Variants in N4BP3 observed in about 807,000 individuals in gnomAD.
The protein encoded by N4BP3 is NEDD4 binding protein 3.
Under a neutral mutation model 43.8 loss-of-function variants are expected in N4BP3, and 33 were observed. The ratio of observed to expected loss-of-function variants is 0.75; its 90% CI spans 0.57 to 1.01. N4BP3 has a LOEUF of 1.01. Among genes scored for constraint, N4BP3 ranks in the 50% least tolerant of loss-of-function variants. The pLI is 0.00. For synonymous variants in N4BP3, 326 were observed against 321.9 expected (o/e 1.01, Z -0.14); for missense variants, 756 against 744.2 (o/e 1.02, Z -0.18).
chr5:178,122,082 T>C lies in N4BP3; in HGVS notation c.*81T>C, dbSNP rs1397204530. 6 of 1,460,506 alleles carry C rather than the reference T, an allele frequency of 4.1e-6. No individual in the cohort carries two copies. Among genetic ancestry groups the C allele is most frequent in the East Asian group, 4.8e-5 (2 of 41,644 alleles). 90.5% of individuals were successfully genotyped at this position (1,460,506 alleles called of 1,614,324 possible). A position where few individuals can be genotyped will look rare whatever the true frequency, so the allele number is the denominator to read the frequency against. On this transcript the variant is annotated 3_prime_UTR_variant, in exon 5 of 5. Coordinates refer to ENST00000274605, the MANE Select transcript of N4BP3 (RefSeq NM_015111.2). ...CGGCTCAGCCTTCCCTTGCACTGGT[T>C]GGGGTGGAACCTGCAGAGGCCAGCC...
chr5:178,122,520 G>A lies in N4BP3; in HGVS notation c.*519G>A, dbSNP rs1328134850. On this transcript the variant is annotated 3_prime_UTR_variant, in exon 5 of 5. Coordinates refer to ENST00000274605, the MANE Select transcript of N4BP3 (RefSeq NM_015111.2). ...AGTGGTCAGTGGGAGGGTGTGCCCT[G>A]CGCCTGTCTGCATGGCCACTGGGCA... The A allele has an allele frequency of 6.3e-6, 1 of 158,302 alleles. No individual in the cohort carries two copies. Among genetic ancestry groups the A allele is most frequent in the African/African-American group, 2.4e-5 (1 of 41,482 alleles). The allele number at this position is 158,302 out of a possible 1,614,324, so 9.8% of individuals were successfully genotyped here.
At chr5:178,120,087 G>T in intron 2 of N4BP3, 91 bp from the exon 3 acceptor site, 1 of 1,505,946 alleles carries the variant, frequency 6.6e-7, no homozygotes, top group Non-Finnish European at 8.9e-7. Flanking sequence ...GTCTCAAAGA[G>T]GATCCCTCAG....
chr5:178,118,358 G>A lies in N4BP3; in HGVS notation c.-30-1196G>A, dbSNP rs1757820358. On this transcript the variant is annotated intron_variant, in intron 1 of 4. Transcript: ENST00000274605. This position sits in a 1 kb window ranked among gnomAD's most constrained non-coding sequence, Gnocchi z 5.4. The stretch of plus-strand genomic sequence containing the variant: ...CATGTTATCCCACCCCATCCTCCCA[G>A]CATCCCAGTGATAAGTGTTATTGTC... Among the ~76,000 whole-genome samples, 1 of 152,218 alleles carries A rather than the reference G, an allele frequency of 6.6e-6. No individual in the cohort carries two copies. The highest frequency in any genetic ancestry group is 1.5e-5 in the Non-Finnish European group (1 of 68,038).
rs1030754158 is a variant in N4BP3 at position 178,121,943 on chromosome 5, G to C, written c.1577G>C (p.Arg526Pro). 1.9e-6 allele frequency: 3 copies of C among 1,611,646 alleles called. No individual in the cohort carries two copies. The highest frequency in any genetic ancestry group is 2.5e-6 in the Non-Finnish European group (3 of 1,179,584). ...AACCAGGCACTGGAGCAGGAACTGCGGGCACTGCGGGAGCCCCCCACACCC... is the reference window on the plus strand; with the variant it reads ...AACCAGGCACTGGAGCAGGAACTGCCGGCACTGCGGGAGCCCCCCACACCC... The part of the protein sequence containing the change: ...RRNQALEQEL[R>P]ALREPPTPWS... Residue 526 changes from arginine to proline, a missense_variant, in exon 5 of 5, where the codon CGG (arginine) becomes CCG (proline). Transcript: ENST00000274605.
intron 1 of N4BP3, among the ~76,000 whole-genome samples, chr5:178,116,688 G>A (rs2113287455): frequency 6.6e-6 from 1 of 152,332 alleles, no homozygotes. Flanking sequence ...ATGCGCTGTT[G>A]CGGCCGGTGG....
At chr5:178,114,199 C>T (rs1020691623) in intron 1 of N4BP3, among the ~76,000 whole-genome samples, 4 of 152,238 alleles carry the variant, frequency 2.6e-5, no homozygotes, top group Non-Finnish European at 5.9e-5. Context: ...GACGCGCCTC[C>T]CACCCCGCCC....
Position 178,120,319 on chromosome 5 carries a change from CT to C in N4BP3, c.473del (p.Leu158ArgfsTer20). On this transcript the variant is annotated frameshift_variant, in exon 3 of 5. Coordinates refer to ENST00000274605, the MANE Select transcript of N4BP3 (RefSeq NM_015111.2). LOFTEE classifies it high-confidence loss of function. ...SLHTLACHPP[L>X]SPGPRASQAR... ...GCACACGCTGGCCTGCCACCCGCCC[CT>C]GAGCCCCGGGCCCCGGGCCAGCCAG... 1.2e-6 allele frequency: 2 copies of C among 1,608,306 alleles called. No homozygotes were observed. The highest frequency in any genetic ancestry group is 1.7e-6 in the Non-Finnish European group (2 of 1,176,856).
At position 178,121,331 on chromosome 5, in the gene N4BP3, A is replaced by G. The variant is rs765733405; in HGVS notation, c.1086A>G (p.Pro362=). The G allele has an allele frequency of 1.2e-6, 2 of 1,602,222 alleles. No homozygotes were observed. Among genetic ancestry groups the G allele is most frequent in the African/African-American group, 2.7e-5 (2 of 74,624 alleles). ...CAGAGGCTGACCCCAGTGCACGACC[A>G]GAGGAGGAAGCCCGATGGGAGGTGA... ...TLPEADPSAR[P]EEEARWEVCQ... The change falls in exon 4 of 5, where the codon CCA becomes CCG. Residue 362 remains proline, a synonymous_variant. Coordinates refer to ENST00000274605, the MANE Select transcript of N4BP3 (RefSeq NM_015111.2).
At chr5:178,117,428 C>T (rs1183073860) in intron 1 of N4BP3, among the ~76,000 whole-genome samples, 1 of 152,018 alleles carries the variant, frequency 6.6e-6, no homozygotes, top group East Asian at 1.9e-4. Flanking sequence ...GTCACTTCAC[C>T]TTTCTGAGCC....
intron 1 of N4BP3, among the ~76,000 whole-genome samples, chr5:178,114,109 C>T (rs1046422721): frequency 2.0e-5 from 3 of 152,168 alleles, no homozygotes; most frequent in Non-Finnish European, 4.4e-5. Context: ...GGGCAGGCGT[C>T]CTTGGCGCCG....
In N4BP3 at chr5:178,122,042, G is replaced by T. The variant is rs1460553856; in HGVS notation, c.*41G>T. 1 of 1,538,488 alleles carries T rather than the reference G, an allele frequency of 6.5e-7. No individual in the cohort carries two copies. Among genetic ancestry groups the T allele is most frequent in the East Asian group, 2.3e-5 (1 of 43,920 alleles). ...CTGACAGCAGCAACACTGTCAGAAG[G>T]TGCCCTGAGACGGCCGGCTCAGCCT... On this transcript the variant is annotated 3_prime_UTR_variant, in exon 5 of 5. Transcript: ENST00000274605.
At chr5:178,117,675 C>T (rs1757804081) in intron 1 of N4BP3, among the ~76,000 whole-genome samples, 1 of 149,054 alleles carries the variant, frequency 6.7e-6, no homozygotes, top group South Asian at 2.1e-4. Context: ...CTCAGCAGGA[C>T]CCGTATGCAG....
chr5:178,120,506 G>A lies in N4BP3; in HGVS notation c.659G>A (p.Gly220Asp), dbSNP rs199651803. ...SSLGHLNHLG[G>D]SLDRASQGPK... ...CTTGGCCACCTTAACCACCTCGGGGGCTCCCTGGACCGGGCCTCTCAAGGA... is the reference window on the plus strand; with the variant it reads ...CTTGGCCACCTTAACCACCTCGGGGACTCCCTGGACCGGGCCTCTCAAGGA... The change falls in exon 3 of 5, where the codon GGC becomes GAC. Residue 220 changes from glycine (G) to aspartate (D), a missense_variant. Coordinates refer to ENST00000274605, the MANE Select transcript of N4BP3 (RefSeq NM_015111.2). The A allele has an allele frequency of 2.5e-6, 4 of 1,613,064 alleles. No homozygotes were observed. Among genetic ancestry groups the A allele is most frequent in the Non-Finnish European group, 3.4e-6 (4 of 1,180,010 alleles).
At chr5:178,114,528 G>C (rs1757726534) in intron 1 of N4BP3, among the ~76,000 whole-genome samples, 1 of 152,172 alleles carries the variant, frequency 6.6e-6, no homozygotes, top group Non-Finnish European at 1.5e-5. Context: ...TCCAGAAAGA[G>C]AACTGAGACC....
At chr5:178,120,767 G>A in intron 3 of N4BP3, 68 bp downstream of exon 3, 4 of 1,464,296 alleles carry the variant, frequency 2.7e-6, no homozygotes, top group Middle Eastern at 2.2e-4. Context: ...AGAGAGAGGG[G>A]CCCCAGCCAG....
chr5:178,122,167 G>T lies in N4BP3; in HGVS notation c.*166G>T. 1 of 860,636 alleles carries T rather than the reference G, an allele frequency of 1.2e-6. No individual in the cohort carries two copies. The highest frequency in any genetic ancestry group is 1.7e-5 in the African/African-American group (1 of 58,760). 53.3% of individuals were successfully genotyped at this position (860,636 alleles called of 1,614,324 possible). ...AGTGGGGCCGTGGGCTGGGTAGGGT[G>T]CCTTGGCAGGAGCCAGGACAAGGCC... On this transcript the variant is annotated 3_prime_UTR_variant, in exon 5 of 5. Coordinates refer to ENST00000274605, the MANE Select transcript of N4BP3 (RefSeq NM_015111.2).
At chr5:178,119,054 T>C (rs1001486963) in intron 1 of N4BP3, among the ~76,000 whole-genome samples, 7 of 152,050 alleles carry the variant, frequency 4.6e-5, no homozygotes, top group African/African-American at 1.7e-4. Flanking sequence ...TTAGTAGAGA[T>C]GGGGTTTCAC....
In N4BP3 at chr5:178,121,702, G is replaced by A. The variant is rs965107337; in HGVS notation, c.1336G>A (p.Asp446Asn). 8.1e-6 allele frequency: 13 copies of A among 1,610,068 alleles called. No individual in the cohort carries two copies. In the Admixed American group the frequency reaches 1.8e-4, roughly 23 times the overall value. ...AGCCCCAGGCAGCTGTGAGACTGAT[G>A]ACTGCAAGAGCAGGGGCCTGCTAGG... is the stretch of plus-strand genomic sequence containing the variant. Reference protein sequence around the residue: ...EEAPGSCETDDCKSRGLLGEA... With the variant: ...EEAPGSCETDNCKSRGLLGEA... Residue 446 changes from aspartate to asparagine, a missense_variant, in exon 5 of 5, where the codon GAC becomes AAC. Transcript: ENST00000274605.
chr5:178,117,380 G>A (rs1757795854), intron 1 of N4BP3, among the ~76,000 whole-genome samples: 1 of 152,064 alleles, frequency 6.6e-6, no homozygotes. Context: ...GGTCCCACTA[G>A]ACATTGGGCA....
Sources: allele counts gnomAD v4.1 joint callset (sites outside exome capture counted in the v4.1 genomes callset), GRCh38; gene constraint gnomAD v4.1.1; non-coding constraint Gnocchi (gnomAD v3.1); transcripts MANE v1.5; gene names NCBI Gene and HGNC (gene_info 2026-07-23, HGNC 2026-07-21).